Variants in CHD7 observed in about 807,000 individuals in gnomAD.
CHD7 encodes ATP-dependent chromatin remodeler CHD7.
CHD7 carries 24 observed loss-of-function variants against 307.3 expected under a neutral mutation model. That is an observed-to-expected ratio of 0.08 (90% CI 0.06 to 0.11). The LOEUF is 0.11. CHD7 is among the 10% of genes least tolerant of loss of function. The probability of loss-of-function intolerance (pLI) is 1.00; values close to 1 mark genes in which losing one functional copy is unlikely to be tolerated. For missense variants in CHD7, 3,106 were observed against 3,727.1 expected (o/e 0.83, Z 4.34); for synonymous variants, 1,363 against 1,349.9 (o/e 1.01, Z -0.21).
At chr8:60,864,953 A>G in intron 37 of CHD7, 63 bp from the exon 38 acceptor site, 1 of 1,471,950 alleles carries the variant, frequency 6.8e-7, no homozygotes, top group South Asian at 1.3e-5. Flanking sequence ...ACAGAGGCTC[A>G]CATTGAGATC....
chr8:60,761,109 T>C (rs971955932), intron 2 of CHD7, among the ~76,000 whole-genome samples: 3 of 151,762 alleles, frequency 2.0e-5, no homozygotes, highest in Non-Finnish European at 4.4e-5. Flanking sequence ...CCGACAATGA[T>C]AGATTGGATT....
At chr8:60,684,432 A>G (rs893265638) in intron 1 of CHD7, among the ~76,000 whole-genome samples, 12 of 152,216 alleles carry the variant, frequency 7.9e-5, no homozygotes, top group Non-Finnish European at 1.5e-4. Context: ...TGATGACATG[A>G]GAAGACATGG....
At chr8:60,715,406 T>G (rs1225169982) in intron 1 of CHD7, among the ~76,000 whole-genome samples, 2 of 142,058 alleles carry the variant, frequency 1.4e-5, no homozygotes. Flanking sequence ...CACTGCAAAC[T>G]CCGCCTGCTG....
Position 60,865,632 on chromosome 8 carries a change from T to C in CHD7, c.8693T>C (p.Met2898Thr). ...TTCAACCCTTTCCTCCTGTCCACAATGGCCCCGGGCCTCTTCTACCCATCC... is the reference window on the plus strand; with the variant it reads ...TTCAACCCTTTCCTCCTGTCCACAACGGCCCCGGGCCTCTTCTACCCATCC... ...LAFNPFLLST[M>T]APGLFYPSMF... is the part of the protein sequence containing the mutation. The change falls in exon 38 of 38, where the codon ATG becomes ACG. Residue 2898 changes from methionine (M) to threonine (T), a missense_variant. Physicochemically the swap from Met to Thr is moderately conservative, Grantham distance 81 (BLOSUM62 -1). This residue lies in a region of CHD7 where 351 missense variants were observed against 366.2 expected (regional missense o/e 0.96). Transcript: ENST00000423902. This position sits in a 1 kb window ranked among gnomAD's most constrained non-coding sequence, Gnocchi z 4.3. 6.2e-7 allele frequency: 1 copy of C among 1,612,838 alleles called. No individual in the cohort carries two copies. Among genetic ancestry groups the C allele is most frequent in the Non-Finnish European group, 8.5e-7 (1 of 1,178,970 alleles).
At chr8:60,737,264 A>C (rs1166905708) in intron 1 of CHD7, among the ~76,000 whole-genome samples, 1 of 152,186 alleles carries the variant, frequency 6.6e-6, no homozygotes. Context: ...ATTTTTGGAA[A>C]GGAAATTCAC....
At position 60,769,544 on chromosome 8, in the gene CHD7, A is replaced by G. The variant is rs1009838328; in HGVS notation, c.1666-11456A>G. On this transcript the variant is annotated intron_variant, in intron 2 of 37. Transcript: ENST00000423902. ...TTAGTTAGGTTTTATGCAGATGGGA[A>G]CATGACATAGATCACAGATTTGTTC... is the stretch of plus-strand genomic sequence containing the variant. 1.1e-4 allele frequency among the ~76,000 whole-genome samples: 17 copies of G among 152,238 alleles called. 1 individual carries two copies. In the South Asian group the frequency reaches 1.2e-3, roughly 11 times the overall value.
intron 2 of CHD7, among the ~76,000 whole-genome samples, chr8:60,755,913 AAAATATAT>A (rs1474568287): frequency 6.6e-6 from 1 of 152,256 alleles, no homozygotes; most frequent in Non-Finnish European, 1.5e-5. Context: ...GTGTTTGTAG[AAAATATAT>A]AACCTAGTAC....
At position 60,860,886 on chromosome 8, in the gene CHD7, A is replaced by G. The variant is rs923906445; in HGVS notation, c.7609-18A>G. ...CTCTCTTCGTGTGAGAATTCATACC[A>G]TTGTGAACTTTCTGCAGGAGGATGC... is the stretch of plus-strand genomic sequence containing the variant. On this transcript the variant is annotated intron_variant, in intron 34 of 37. Transcript: ENST00000423902. 2 of 1,590,254 alleles carry G rather than the reference A, an allele frequency of 1.3e-6. No homozygotes were observed. Among genetic ancestry groups the G allele is most frequent in the Non-Finnish European group, 1.7e-6 (2 of 1,161,518 alleles).
chr8:60,851,029 T>C lies in CHD7; in HGVS notation c.5535-3T>C, dbSNP rs1334540735. On this transcript the variant is annotated splice_region_variant and splice_polypyrimidine_tract_variant and intron_variant, in intron 26 of 37. Coordinates refer to ENST00000423902, the MANE Select transcript of CHD7 (RefSeq NM_017780.4). ...AAATAATTTTTGTGTTTGTTTTACA[T>C]AGGGGAGAATTTGATAGAGAAGATG... is the stretch of plus-strand genomic sequence containing the variant. 1.9e-6 allele frequency: 3 copies of C among 1,555,226 alleles called. No individual in the cohort carries two copies. The highest frequency in any genetic ancestry group is 4.0e-5 in the Admixed American group (2 of 50,532).
chr8:60,831,145 A>G (rs1316432077), intron 15 of CHD7, among the ~76,000 whole-genome samples: 1 of 152,152 alleles, frequency 6.6e-6, no homozygotes, highest in East Asian at 1.9e-4. Flanking sequence ...TAAAACCTTT[A>G]TTATGTATTT....
chr8:60,764,393 T>C (rs1810370264), intron 2 of CHD7, among the ~76,000 whole-genome samples: 1 of 152,162 alleles, frequency 6.6e-6, no homozygotes, highest in South Asian at 2.1e-4. Context: ...AGAAGTAAGA[T>C]TGAGATAGTT....
intron 34 of CHD7, among the ~76,000 whole-genome samples, chr8:60,857,109 T>C (rs1805753804): frequency 6.6e-6 from 1 of 152,220 alleles, no homozygotes; most frequent in South Asian, 2.1e-4. Flanking sequence ...CTTCCCAAGT[T>C]CTGATGTGTT....
At chr8:60,739,411 A>C (rs1434173791) in intron 1 of CHD7, among the ~76,000 whole-genome samples, 1 of 152,184 alleles carries the variant, frequency 6.6e-6, no homozygotes, top group African/African-American at 2.4e-5. Flanking sequence ...TGTATTTAAG[A>C]ATATTTGTTG....
chr8:60,808,320 G>A, intron 7 of CHD7, 48 bp downstream of exon 7: 2 of 1,095,430 alleles, frequency 1.8e-6, no homozygotes, highest in Non-Finnish European at 2.7e-6. Flanking sequence ...TATTTTCCAA[G>A]TAGTAAACGA....
At chr8:60,844,445 A>T (rs1222498250) in intron 21 of CHD7, among the ~76,000 whole-genome samples, 1 of 152,092 alleles carries the variant, frequency 6.6e-6, no homozygotes, top group Admixed American at 6.6e-5. Flanking sequence ...CGCATCCTTG[A>T]TTTTGGGGTA....
At chr8:60,828,329 T>A (rs1432232288) in intron 13 of CHD7, among the ~76,000 whole-genome samples, 1 of 152,118 alleles carries the variant, frequency 6.6e-6, no homozygotes, top group African/African-American at 2.4e-5. Flanking sequence ...GTCTAGGGAT[T>A]CTAGGAAAAA....
rs761410781 is a variant in CHD7 at position 60,856,533 on chromosome 8, G to T, written c.7253G>T (p.Arg2418Leu). 1 of 1,613,988 alleles carries T rather than the reference G, an allele frequency of 6.2e-7. No individual in the cohort carries two copies. Among genetic ancestry groups the T allele is most frequent in the East Asian group, 2.2e-5 (1 of 44,882 alleles). ...EIEAERAAKR[R>L]NLMEMVAQLR... is the part of the protein sequence containing the mutation. The stretch of plus-strand genomic sequence containing the variant: ...GAGGCCGAAAGAGCTGCCAAGAGGC[G>T]AAATCTCATGGAGATGGTTGCCCAG... The change falls in exon 34 of 38, where the codon CGA becomes CTA. Residue 2418 changes from arginine to leucine, a missense_variant. By Grantham distance (102) the Arg-to-Leu change is moderately radical. This residue lies in a region of CHD7 where 1,030 missense variants were observed against 1,165.4 expected (regional missense o/e 0.88). Coordinates refer to ENST00000423902, the MANE Select transcript of CHD7 (RefSeq NM_017780.4).
At chr8:60,759,846 G>A (rs1810088680) in intron 2 of CHD7, among the ~76,000 whole-genome samples, 1 of 152,154 alleles carries the variant, frequency 6.6e-6, no homozygotes, top group African/African-American at 2.4e-5. Context: ...CTTGGAGGAC[G>A]GCTGGGTCTT....
At chr8:60,780,423 A>G (rs1811151102) in intron 2 of CHD7, among the ~76,000 whole-genome samples, 1 of 152,260 alleles carries the variant, frequency 6.6e-6, no homozygotes, top group South Asian at 2.1e-4. Flanking sequence ...ATCCAAAATC[A>G]TCAAGTTTGG....
Sources: gnomAD v4.1 joint callset for allele counts (sites outside exome capture counted in the v4.1 genomes callset) on GRCh38, gnomAD v4.1.1 for gene constraint, gnomAD v4.1.1 regional missense constraint, Gnocchi (gnomAD v3.1) non-coding constraint, MANE v1.5 for transcripts, NCBI Gene and HGNC (gene_info 2026-07-23, HGNC 2026-07-21) for gene names.